SAMD4B: variants seen among roughly 807,000 people sequenced by gnomAD.
SAMD4B encodes protein Smaug homolog 2.
SAMD4B carries 5 observed loss-of-function variants against 74.5 expected under a neutral mutation model. The ratio of observed to expected loss-of-function variants is 0.07; its 90% CI spans 0.04 to 0.14. The LOEUF (loss-of-function observed/expected upper bound fraction) is 0.14, where lower values mean the gene tolerates loss of function less well. Among genes scored for constraint, SAMD4B ranks in the 10% least tolerant of loss-of-function variants. The pLI is 1.00. For missense variants in SAMD4B, 608 were observed against 921.8 expected, an observed-to-expected ratio of 0.66 and a Z score of 4.41; for synonymous variants, 373 against 374.9, an observed-to-expected ratio of 1.00 and a Z score of 0.06.
rs547795715 is a variant in SAMD4B, at chr19:39,383,608, C to G, written c.*81C>G. ...CCCCCAACGGGCTTCTCCGCGACAG[C>G]GAGAGGGTGGGCTGGCTCAGCTATA... On this transcript the variant is annotated 3_prime_UTR_variant, in exon 14 of 14. Coordinates refer to ENST00000610417, the MANE Select transcript of SAMD4B (RefSeq NM_001384574.2). This position sits in a 1 kb window ranked among gnomAD's most constrained non-coding sequence, Gnocchi z 4.1. 2 of 1,613,688 alleles carry G rather than the reference C, an allele frequency of 1.2e-6. No individual in the cohort carries two copies. The highest frequency in any genetic ancestry group is 8.5e-7 in the Non-Finnish European group (1 of 1,179,830).
rs1340072830 is a variant in SAMD4B at position 39,380,614 on chromosome 19, C to T, written c.1677C>T (p.Pro559=). The T allele has an allele frequency of 1.2e-6, 2 of 1,614,082 alleles. No homozygotes were observed. Among genetic ancestry groups the T allele is most frequent in the Non-Finnish European group, 8.5e-7 (1 of 1,180,028 alleles). ...GGGCATTCGGCTCCAACTCGCTCCCCATAGCTGGCTCTGTGGGGATGGGAG... is the reference window on the plus strand; with the variant it reads ...GGGCATTCGGCTCCAACTCGCTCCCTATAGCTGGCTCTGTGGGGATGGGAG... ...KGWAFGSNSL[P]IAGSVGMGVA... The change falls in exon 11 of 14, where the codon CCC becomes CCT. Residue 559 remains proline, a synonymous_variant. Transcript: ENST00000610417.
intron 3 of SAMD4B, among the ~76,000 whole-genome samples, chr19:39,359,311 A>G (rs1315336473): frequency 6.6e-6 from 1 of 152,166 alleles, no homozygotes; most frequent in East Asian, 1.9e-4. Context: ...TAGTAATTTC[A>G]GTGCTTTTAG....
chr19:39,362,858 G>A (rs1248576763), intron 3 of SAMD4B, among the ~76,000 whole-genome samples: 1 of 152,018 alleles, frequency 6.6e-6, no homozygotes, highest in Non-Finnish European at 1.5e-5. Flanking sequence ...ATTCAGTCTG[G>A]GTGGGGAAAC....
At chr19:39,361,413 G>A (rs1204108943) in intron 3 of SAMD4B, among the ~76,000 whole-genome samples, 1 of 151,708 alleles carries the variant, frequency 6.6e-6, no homozygotes, top group Non-Finnish European at 1.5e-5. Context: ...TCAGGAGATT[G>A]AGACCATCCT....
chr19:39,352,425 T>C (rs1246924011), intron 1 of SAMD4B: 1 of 151,584 alleles, frequency 6.6e-6, no homozygotes, highest in African/African-American at 2.4e-5. Flanking sequence ...GTGATTCGTT[T>C]CCCACATTTG....
At chr19:39,346,294 T>C (rs973377183) in intron 1 of SAMD4B, among the ~76,000 whole-genome samples, 3 of 152,152 alleles carry the variant, frequency 2.0e-5, no homozygotes, top group Non-Finnish European at 4.4e-5. Flanking sequence ...TGGATAGTGT[T>C]CCATGGGAGT....
intron 1 of SAMD4B, among the ~76,000 whole-genome samples, chr19:39,344,868 A>G (rs1333522610): frequency 6.6e-6 from 1 of 152,130 alleles, no homozygotes; most frequent in East Asian, 1.9e-4. Flanking sequence ...AGAGATCAAG[A>G]GACCCTTAAC....
chr19:39,343,574 C>T (rs967057532), intron 1 of SAMD4B, among the ~76,000 whole-genome samples: 2 of 151,114 alleles, frequency 1.3e-5, no homozygotes, highest in African/African-American at 4.9e-5. Flanking sequence ...CCTCCTGTCT[C>T]CCCCTGGTCT....
At chr19:39,371,437 G>T (rs1009810699) in intron 4 of SAMD4B, among the ~76,000 whole-genome samples, 1 of 152,212 alleles carries the variant, frequency 6.6e-6, no homozygotes, top group Non-Finnish European at 1.5e-5. Flanking sequence ...GCAACCTGAG[G>T]TGTCTTGGAC....
chr19:39,362,306 G>A (rs2076703411), intron 3 of SAMD4B, among the ~76,000 whole-genome samples: 1 of 152,166 alleles, frequency 6.6e-6, no homozygotes, highest in Non-Finnish European at 1.5e-5. Flanking sequence ...TGATGCTGAC[G>A]CTGATTTTGG....
At chr19:39,381,250 A>G in intron 12 of SAMD4B, 137 bp downstream of exon 12, 1 of 1,015,200 alleles carries the variant, frequency 9.9e-7, no homozygotes, top group East Asian at 2.7e-5. Flanking sequence ...CTCTGCACCC[A>G]TCTCCCCCAA....
chr19:39,357,173 A>G (rs1426761369), intron 3 of SAMD4B, 84 bp downstream of exon 3: 1 of 1,253,826 alleles, frequency 8.0e-7, no homozygotes, highest in Non-Finnish European at 1.1e-6. Flanking sequence ...TCAACCCAAC[A>G]ATGGGACTAA....
chr19:39,383,776 GC>G lies in SAMD4B; in HGVS notation c.*251del. On this transcript the variant is annotated 3_prime_UTR_variant, in exon 14 of 14. Coordinates refer to ENST00000610417, the MANE Select transcript of SAMD4B (RefSeq NM_001384574.2). This position sits in a 1 kb window ranked among gnomAD's most constrained non-coding sequence, Gnocchi z 4.1. ...GCCAGGATAAAGGGGGCAGGGACTG[GC>G]CAGACTGCCTGCCTCTCTCCTTTCC... 1 of 1,427,040 alleles carries G rather than the reference GC, an allele frequency of 7.0e-7. No individual in the cohort carries two copies. Among genetic ancestry groups the G allele is most frequent in the Non-Finnish European group, 9.5e-7 (1 of 1,052,252 alleles). The allele number at this position is 1,427,040 out of a possible 1,614,324, so 88.4% of individuals were successfully genotyped here. A position where few individuals can be genotyped will look rare whatever the true frequency, so the allele number is the denominator to read the frequency against.
In SAMD4B at chr19:39,383,120, T is replaced by C. The variant is rs2078106103; in HGVS notation, c.1973-88T>C. On this transcript the variant is annotated intron_variant, in intron 12 of 13. Transcript: ENST00000610417. The surrounding 1 kb of genome is among the most constrained non-coding windows in gnomAD (Gnocchi z 4.1). ...TCCCCCTCCATCTCTCTTGCTCCCT[T>C]CCCATACCAGCATCCTTTGTCATCC... 1 of 1,056,530 alleles carries C rather than the reference T, an allele frequency of 9.5e-7. No individual in the cohort carries two copies. Among genetic ancestry groups the C allele is most frequent in the Admixed American group, 1.7e-5 (1 of 59,208 alleles). The allele number at this position is 1,056,530 out of a possible 1,614,324, so 65.4% of individuals were successfully genotyped here. A position where few individuals can be genotyped will look rare whatever the true frequency, so the allele number is the denominator to read the frequency against.
Position 39,385,226 on chromosome 19 carries a change from A to G in SAMD4B, c.*1699A>G, listed in dbSNP as rs2078215155. 1 of 242,634 alleles carries G rather than the reference A, an allele frequency of 4.1e-6. No homozygotes were observed. The allele number at this position is 242,634 out of a possible 1,614,324, so 15.0% of individuals were successfully genotyped here. A position where few individuals can be genotyped will look rare whatever the true frequency, so the allele number is the denominator to read the frequency against. ...CCCCTCAATCTCCCAGGGCTTCTCC[A>G]GTCCCCCTCCCACTAGCTGCAGGAA... On this transcript the variant is annotated 3_prime_UTR_variant, in exon 14 of 14. Coordinates refer to ENST00000610417, the MANE Select transcript of SAMD4B (RefSeq NM_001384574.2).
intron 3 of SAMD4B, among the ~76,000 whole-genome samples, chr19:39,366,274 C>T (rs2076957497): frequency 6.6e-6 from 1 of 152,034 alleles, no homozygotes; most frequent in Non-Finnish European, 1.5e-5. Flanking sequence ...CGAGATCGTG[C>T]CACTGCACTC....
At chr19:39,365,802 A>G (rs893084893) in intron 3 of SAMD4B, among the ~76,000 whole-genome samples, 14 of 152,316 alleles carry the variant, frequency 9.2e-5, no homozygotes, top group African/African-American at 3.1e-4. Flanking sequence ...TGTTATTGCT[A>G]TTGTCAGTAG....
intron 4 of SAMD4B, among the ~76,000 whole-genome samples, chr19:39,371,057 C>A (rs759571681): frequency 3.9e-5 from 6 of 152,180 alleles, no homozygotes; most frequent in Non-Finnish European, 8.8e-5. Flanking sequence ...TTGTTGGTAT[C>A]CCAGTGACTT....
At chr19:39,355,861 CAT>C in intron 2 of SAMD4B, among the ~76,000 whole-genome samples, 1 of 152,176 alleles carries the variant, frequency 6.6e-6, no homozygotes, top group Non-Finnish European at 1.5e-5. Flanking sequence ...GACAAGCTGG[CAT>C]CTCTGGAAGT....
Sources: allele counts gnomAD v4.1 joint callset (sites outside exome capture counted in the v4.1 genomes callset), GRCh38; gene constraint gnomAD v4.1.1; non-coding constraint Gnocchi (gnomAD v3.1); transcripts MANE v1.5; gene names NCBI Gene and HGNC (gene_info 2026-07-23, HGNC 2026-07-21).